The following NFASC variants were observed in gnomAD, a reference collection of about 807,000 sequenced individuals.
The protein encoded by NFASC is neurofascin homolog.
In NFASC, 43 loss-of-function variants were observed where a neutral mutation model predicts 147.5. The ratio of observed to expected loss-of-function variants is 0.29; its 90% CI spans 0.23 to 0.38. The LOEUF is 0.38. Ranked by LOEUF, NFASC falls within the 10% of genes least tolerant of loss-of-function variation. The pLI is 1.00. For synonymous variants in NFASC, 622 were observed against 665.5 expected, an observed-to-expected ratio of 0.93 and a Z score of 1.01; for missense variants, 1,320 against 1,689.0, an observed-to-expected ratio of 0.78 and a Z score of 3.83.
chr1:205,005,270 ATTC>A (rs150959812), intron 27 of NFASC, among the ~76,000 whole-genome samples: 6,610 of 152,302 alleles, frequency 0.043, 277 homozygotes, highest in African/African-American at 0.1. Flanking sequence ...CTAGAACATA[ATTC>A]TTCTGCAGAC....
At chr1:204,921,618 A>G (rs1310594405) in intron 2 of NFASC, among the ~76,000 whole-genome samples, 1 of 152,190 alleles carries the variant, frequency 6.6e-6, no homozygotes, top group Non-Finnish European at 1.5e-5. Context: ...GGATCCAGAC[A>G]CATCTGCTGG....
rs1391435630 is a variant in NFASC at position 204,968,543 on chromosome 1, T to G, written c.818+183T>G. 1.6e-6 allele frequency: 1 copy of G among 617,626 alleles called. No homozygotes were observed. The highest frequency in any genetic ancestry group is 2.8e-6 in the Non-Finnish European group (1 of 351,508). The allele number at this position is 617,626 out of a possible 1,614,324, so 38.3% of individuals were successfully genotyped here. On this transcript the variant is annotated intron_variant, in intron 9 of 29. Transcript: ENST00000339876. This position sits in a 1 kb window ranked among gnomAD's most constrained non-coding sequence, Gnocchi z 5.4. ...TCATCTCCATCCTATCCTGGCCATC[T>G]CTGTTTTGGATAATGAGGAAAGAAG...
intron 2 of NFASC, among the ~76,000 whole-genome samples, chr1:204,937,225 C>G (rs933351979): frequency 6.6e-6 from 1 of 152,062 alleles, no homozygotes; most frequent in African/African-American, 2.4e-5. Context: ...CATCTTCACA[C>G]GTACACAGCC....
intron 24 of NFASC, among the ~76,000 whole-genome samples, chr1:204,995,369 T>G (rs1574290825): frequency 6.7e-6 from 1 of 149,362 alleles, no homozygotes; most frequent in Admixed American, 6.7e-5. Flanking sequence ...TGTCGGTGGG[T>G]GGGGATAAGT....
In NFASC at chr1:204,966,089, T is replaced by A. The variant is rs77652591; in HGVS notation, c.707-2160T>A. Reference sequence around the variant, plus strand: ...CCAACTTTTAGGATGCTCTTCTCTTTTTTTGAACTTTGGCTTGTTTCCAGT... The same window carrying A: ...CCAACTTTTAGGATGCTCTTCTCTTATTTTGAACTTTGGCTTGTTTCCAGT... On this transcript the variant is annotated intron_variant, in intron 8 of 29. Transcript: ENST00000339876. Among the ~76,000 whole-genome samples, 1,104 of 152,324 alleles carry A rather than the reference T, an allele frequency of 7.2e-3. 4 individuals carry two copies. The highest frequency in any genetic ancestry group is 0.012 in the Non-Finnish European group (833 of 68,030).
At chr1:204,911,672 C>A (rs2087537376) in intron 1 of NFASC, among the ~76,000 whole-genome samples, 1 of 152,090 alleles carries the variant, frequency 6.6e-6, no homozygotes, top group South Asian at 2.1e-4. Context: ...GAAAGTGTTT[C>A]CCCTCTTCTA....
At chr1:204,854,490 G>A (rs2102731227) in intron 1 of NFASC, among the ~76,000 whole-genome samples, 2 of 152,304 alleles carry the variant, frequency 1.3e-5, no homozygotes, top group Middle Eastern at 6.8e-3. Context: ...AGGGGACCCT[G>A]GGACAGGTGG....
At chr1:204,956,434 C>G (rs1311622104) in intron 7 of NFASC, among the ~76,000 whole-genome samples, 18 of 152,212 alleles carry the variant, frequency 1.2e-4, no homozygotes. Context: ...ACTCTTCCAG[C>G]TCCTTAGAAA....
chr1:204,950,111 C>T (rs1326111879), intron 3 of NFASC, among the ~76,000 whole-genome samples: 5 of 152,238 alleles, frequency 3.3e-5, no homozygotes, highest in African/African-American at 4.8e-5. Context: ...GCAGTGTTTC[C>T]AATCCACTCC....
At position 204,980,105 on chromosome 1, in the gene NFASC, A is replaced by C. The variant is rs575787164; in HGVS notation, c.2177-265A>C. On this transcript the variant is annotated intron_variant, in intron 19 of 29. Transcript: ENST00000339876. ...TTGAGTTGGCTTACTGACCACCCAC[A>C]GTGTGGAAAGCCTTATGATAAATGC... is the stretch of plus-strand genomic sequence containing the variant. 3.3e-5 allele frequency among the ~76,000 whole-genome samples: 5 copies of C among 152,382 alleles called. No homozygotes were observed. In the South Asian group the frequency reaches 1.0e-3, roughly 32 times the overall value.
At chr1:204,893,193 T>C (rs2082736633) in intron 1 of NFASC, among the ~76,000 whole-genome samples, 1 of 152,198 alleles carries the variant, frequency 6.6e-6, no homozygotes, top group African/African-American at 2.4e-5. Flanking sequence ...TATTCACTGA[T>C]AATGTGACTG....
chr1:205,000,826 C>CAA (rs34292816), intron 25 of NFASC: 49 of 278,468 alleles, frequency 1.8e-4, no homozygotes, highest in Middle Eastern at 1.4e-3. Flanking sequence ...TACTCCATCT[C>CAA]AAAAAAAAAA....
chr1:205,008,675 C>T (rs946238941), intron 27 of NFASC: 5 of 152,660 alleles, frequency 3.3e-5, no homozygotes, highest in Non-Finnish European at 5.9e-5. Flanking sequence ...TACTTCAGGC[C>T]GTCCTGCAGG....
At chr1:204,876,838 TG>T (rs1260954524) in intron 1 of NFASC, among the ~76,000 whole-genome samples, 1 of 151,424 alleles carries the variant, frequency 6.6e-6, no homozygotes, top group East Asian at 1.9e-4. Context: ...TGAAGAATCG[TG>T]GGACTCATAA....
In NFASC at chr1:205,009,573, A is replaced by G. The variant is rs533877702; in HGVS notation, c.3306A>G (p.Gln1102=). 5 of 1,614,056 alleles carry G rather than the reference A, an allele frequency of 3.1e-6. No homozygotes were observed. In the South Asian group the frequency reaches 5.5e-5, roughly 18 times the overall value. The change falls in exon 28 of 30, where the codon CAA becomes CAG. Residue 1102 remains glutamine, a synonymous_variant. Coordinates refer to ENST00000339876, the MANE Select transcript of NFASC (RefSeq NM_001005388.3). ...CCCCGCCAGCTTACACCAACAACCA[A>G]GCGGACATCGCCACCCAGGGCTGGT... ...FMTSTAYTNN[Q]ADIATQGWFI... is the part of the protein sequence containing the mutation.
intron 1 of NFASC, among the ~76,000 whole-genome samples, chr1:204,841,502 A>G (rs1675337002): frequency 6.6e-6 from 1 of 152,110 alleles, no homozygotes; most frequent in Admixed American, 6.6e-5. Flanking sequence ...GAGCTTTGTG[A>G]GTCTTAGCCA....
At chr1:204,894,772 T>G (rs537281483) in intron 1 of NFASC, among the ~76,000 whole-genome samples, 14 of 152,334 alleles carry the variant, frequency 9.2e-5, no homozygotes, top group African/African-American at 3.4e-4. Flanking sequence ...TCCTGCATCA[T>G]CCACTGTCTT....
chr1:204,884,493 G>A (rs188837764), intron 1 of NFASC, among the ~76,000 whole-genome samples: 68 of 152,214 alleles, frequency 4.5e-4, no homozygotes, highest in Admixed American at 1.2e-3. Flanking sequence ...GTAGAAGATA[G>A]GCTGAGGGTG....
At chr1:204,846,483 A>G (rs569991524) in intron 1 of NFASC, among the ~76,000 whole-genome samples, 10 of 152,210 alleles carry the variant, frequency 6.6e-5, no homozygotes. Context: ...GGGCCATGCC[A>G]TGGTAGCCAT....
Sources: gnomAD v4.1 joint callset for allele counts (sites outside exome capture counted in the v4.1 genomes callset) on GRCh38, gnomAD v4.1.1 for gene constraint, Gnocchi (gnomAD v3.1) non-coding constraint, MANE v1.5 for transcripts, NCBI Gene and HGNC (gene_info 2026-07-23, HGNC 2026-07-21) for gene names.